The following CFAP61 variants were observed in gnomAD, a reference collection of about 807,000 sequenced individuals.
CFAP61 encodes the protein cilia and flagella associated protein 61.
In CFAP61, 107 loss-of-function variants were observed where a neutral mutation model predicts 135.6. That is an observed-to-expected ratio of 0.79 (90% CI 0.67 to 0.93). CFAP61 has a LOEUF of 0.93. CFAP61 is among the 40% of genes least tolerant of loss of function. The pLI is 0.00. For missense variants in CFAP61, 1,507 were observed against 1,556.2 expected (o/e 0.97, Z 0.53); for synonymous variants, 575 against 578.5 (o/e 0.99, Z 0.09).
intron 15 of CFAP61, 102 bp downstream of exon 15, chr20:20,191,521 T>C: frequency 1.4e-6 from 1 of 708,096 alleles, no homozygotes; most frequent in Non-Finnish European, 2.4e-6. Flanking sequence ...TTATTTAATG[T>C]GAATGCCTCC....
chr20:20,061,700 C>A (rs574564859), intron 2 of CFAP61, among the ~76,000 whole-genome samples: 6 of 152,230 alleles, frequency 3.9e-5, no homozygotes, highest in Non-Finnish European at 8.8e-5. Context: ...ACTGGAGACT[C>A]TCCCGCCTCC....
chr20:20,308,539 G>A (rs952242339), intron 25 of CFAP61, among the ~76,000 whole-genome samples: 4 of 152,122 alleles, frequency 2.6e-5, no homozygotes, highest in Admixed American at 6.6e-5. Context: ...AGGGACACTC[G>A]GCCTTGCTGG....
At chr20:20,198,599 A>G (rs1342807251) in intron 16 of CFAP61, among the ~76,000 whole-genome samples, 3 of 152,182 alleles carry the variant, frequency 2.0e-5, no homozygotes, top group Admixed American at 6.5e-5. Flanking sequence ...ATAAATCTCC[A>G]GTTGACTACA....
At chr20:20,186,542 T>G (rs1454020445) in intron 13 of CFAP61, among the ~76,000 whole-genome samples, 1 of 152,212 alleles carries the variant, frequency 6.6e-6, no homozygotes, top group Non-Finnish European at 1.5e-5. Context: ...TTTCTAGTGC[T>G]TTTGTGGTCT....
intron 25 of CFAP61, among the ~76,000 whole-genome samples, chr20:20,333,596 A>T (rs1164636734): frequency 6.6e-6 from 1 of 152,212 alleles, no homozygotes; most frequent in Non-Finnish European, 1.5e-5. Context: ...CAGAGCAAGG[A>T]GAGAAATGTT....
chr20:20,172,349 C>G, intron 13 of CFAP61: 30 of 870,924 alleles, frequency 3.4e-5, no homozygotes, highest in Non-Finnish European at 4.1e-5. Context: ...CGGCATCTCA[C>G]TCTGTTGCCC....
intron 9 of CFAP61, among the ~76,000 whole-genome samples, chr20:20,149,280 G>A (rs2052192986): frequency 6.6e-6 from 1 of 152,176 alleles, no homozygotes; most frequent in South Asian, 2.1e-4. Context: ...CTGCAGATCA[G>A]TATTTCTCAT....
In CFAP61 at chr20:20,159,812, C is replaced by A. The variant is rs139390315; in HGVS notation, c.1026+368C>A. ...TCTCTGTATCATATGCACATACATA[C>A]ACTTCTGTCCGTGTCTAGGTGTGTT... On this transcript the variant is annotated intron_variant, in intron 10 of 26. Coordinates refer to ENST00000245957, the MANE Select transcript of CFAP61 (RefSeq NM_015585.4). Among the ~76,000 whole-genome samples the A allele has an allele frequency of 2.6e-5, 4 of 152,356 alleles. No homozygotes were observed. The East Asian group carries it at 7.7e-4, about 29-fold the overall frequency.
chr20:20,066,127 A>T (rs2045244879), intron 2 of CFAP61, among the ~76,000 whole-genome samples: 1 of 152,250 alleles, frequency 6.6e-6, no homozygotes, highest in Non-Finnish European at 1.5e-5. Flanking sequence ...CCACAATGAG[A>T]TACCATCTCA....
At chr20:20,248,380 A>C (rs1001733558) in intron 19 of CFAP61, among the ~76,000 whole-genome samples, 1 of 152,242 alleles carries the variant, frequency 6.6e-6, no homozygotes, top group African/African-American at 2.4e-5. Context: ...GACATTCATA[A>C]ATTTAGTAAT....
chr20:20,310,051 A>G (rs1443546811), intron 25 of CFAP61, among the ~76,000 whole-genome samples: 2 of 152,074 alleles, frequency 1.3e-5, no homozygotes, highest in Non-Finnish European at 2.9e-5. Context: ...CTGGAGCACA[A>G]TGACACAATC....
intron 6 of CFAP61, among the ~76,000 whole-genome samples, chr20:20,089,394 A>G (rs2047021368): frequency 6.6e-6 from 1 of 151,944 alleles, no homozygotes. Flanking sequence ...CTTTATATAT[A>G]TATATATATA....
Position 20,070,942 on chromosome 20 carries a change from G to A in CFAP61, c.232G>A (p.Val78Ile). The A allele has an allele frequency of 1.2e-6, 2 of 1,614,216 alleles. No homozygotes were observed. Among genetic ancestry groups the A allele is most frequent in the Non-Finnish European group, 1.7e-6 (2 of 1,180,036 alleles). The part of the protein sequence containing the change: ...ATFLDYPNWN[V>I]AKQDDWVSVF... ...CTTCCTGGACTACCCCAACTGGAAT[G>A]TTGCCAAGCAGGATGACTGGGTGTC... The change falls in exon 3 of 27, where the codon GTT becomes ATT. Residue 78 changes from valine to isoleucine, a missense_variant. Val to Ile is a conservative substitution (Grantham distance 29, BLOSUM62 3). Transcript: ENST00000245957.
chr20:20,208,406 A>C (rs1253040402), intron 17 of CFAP61, among the ~76,000 whole-genome samples: 3 of 152,136 alleles, frequency 2.0e-5, no homozygotes, highest in African/African-American at 7.2e-5. Context: ...ATCAAAATTC[A>C]ATTTTCCTCC....
At chr20:20,236,922 A>G (rs2049637027) in intron 18 of CFAP61, among the ~76,000 whole-genome samples, 1 of 152,212 alleles carries the variant, frequency 6.6e-6, no homozygotes, top group South Asian at 2.1e-4. Flanking sequence ...ATATATAAAC[A>G]TATGCTTAAA....
chr20:20,077,046 G>A (rs1217554434), intron 6 of CFAP61, among the ~76,000 whole-genome samples: 3 of 152,194 alleles, frequency 2.0e-5, no homozygotes, highest in Non-Finnish European at 2.9e-5. Flanking sequence ...GAGTTAAGTG[G>A]TGGGGAGAGA....
chr20:20,141,707 T>C (rs2051416843), intron 8 of CFAP61, among the ~76,000 whole-genome samples: 3 of 152,164 alleles, frequency 2.0e-5, no homozygotes, highest in Admixed American at 6.5e-5. Context: ...CCCAGATATT[T>C]GGGGTTGAGA....
chr20:20,059,464 A>G (rs1834577388), intron 2 of CFAP61, among the ~76,000 whole-genome samples: 1 of 151,526 alleles, frequency 6.6e-6, no homozygotes, highest in Admixed American at 6.6e-5. Context: ...CAAAAATACA[A>G]AAAATTAGCC....
chr20:20,177,252 C>G (rs6046701), intron 13 of CFAP61, among the ~76,000 whole-genome samples: 2,295 of 152,028 alleles, frequency 0.015, 38 homozygotes, highest in Middle Eastern at 0.058. Context: ...CTGTGGTTTT[C>G]TAAAACCATT....
Sources: gnomAD v4.1 joint callset for allele counts (sites outside exome capture counted in the v4.1 genomes callset) on GRCh38, gnomAD v4.1.1 for gene constraint, MANE v1.5 for transcripts, NCBI Gene and HGNC (gene_info 2026-07-23, HGNC 2026-07-21) for gene names.